FAM167A: variants seen among roughly 807,000 people sequenced by gnomAD.
FAM167A encodes the protein protein FAM167A.
In FAM167A, 23 loss-of-function variants were observed where a neutral mutation model predicts 14.9. That is an observed-to-expected ratio of 1.55 (90% CI 1.11 to 2.19). FAM167A has a LOEUF of 2.19. Ranked by LOEUF, FAM167A falls within the 30% of genes most tolerant of loss-of-function variation. The pLI, the probability that FAM167A is intolerant of heterozygous loss-of-function variation, is 0.00. For missense variants in FAM167A, 401 were observed against 281.5 expected (o/e 1.42, Z -3.04); for synonymous variants, 174 against 117.7 (o/e 1.48, Z -3.10).
At chr8:11,460,346 G>A (rs550218033) in intron 1 of FAM167A, among the ~76,000 whole-genome samples, 1 of 152,316 alleles carries the variant, frequency 6.6e-6, no homozygotes, top group African/African-American at 2.4e-5. Context: ...AGCTACTGGG[G>A]TCCCATCCCA....
At chr8:11,426,281 T>G (rs183423658) in intron 2 of FAM167A, among the ~76,000 whole-genome samples, 1 of 152,332 alleles carries the variant, frequency 6.6e-6, no homozygotes, top group African/African-American at 2.4e-5. Context: ...TATTGAGTTA[T>G]GTCTTTGCTT....
At chr8:11,461,088 G>A (rs1282338643) in intron 1 of FAM167A, among the ~76,000 whole-genome samples, 1 of 152,242 alleles carries the variant, frequency 6.6e-6, no homozygotes, top group Admixed American at 6.5e-5. Flanking sequence ...GTCAGAAAGA[G>A]GCCCTGGCTC....
rs75508768 is a variant in FAM167A at position 11,451,434 on chromosome 8, C to T, written c.-397-6626G>A. On this transcript the variant is annotated intron_variant, in intron 1 of 2. Transcript: ENST00000284486. ...ACATTCGTAAGTGACTGACACAGCA[C>T]GCACTGGAGAAGGAATATTAAAGAG... 4.8e-3 allele frequency among the ~76,000 whole-genome samples: 736 copies of T among 152,350 alleles called. 13 individuals are homozygous for T. The highest frequency in any genetic ancestry group is 0.017 in the Middle Eastern group (5 of 294).
At chr8:11,432,081 C>T (rs868526762) in intron 2 of FAM167A, among the ~76,000 whole-genome samples, 4 of 151,964 alleles carry the variant, frequency 2.6e-5, no homozygotes, top group African/African-American at 9.7e-5. Context: ...CATCCCCTGG[C>T]TGATCTGTGT....
At chr8:11,450,754 T>A (rs1021036073) in intron 1 of FAM167A, among the ~76,000 whole-genome samples, 2 of 152,226 alleles carry the variant, frequency 1.3e-5, no homozygotes, top group Non-Finnish European at 2.9e-5. Flanking sequence ...CTTGCTCAAA[T>A]CTGAGCCAGC....
intron 1 of FAM167A, chr8:11,446,708 G>C (rs1317431796): frequency 6.6e-6 from 1 of 152,196 alleles, no homozygotes; most frequent in African/African-American, 2.4e-5. Flanking sequence ...TGAAGACTTA[G>C]CACGCTAAGT....
chr8:11,469,949 C>A (rs888701109), upstream of FAM167A, among the ~76,000 whole-genome samples: 6 of 151,916 alleles, frequency 3.9e-5, no homozygotes, highest in Non-Finnish European at 2.9e-5. Context: ...AATATTCTTT[C>A]AGAATTTCTC....
At chr8:11,431,833 G>A (rs1317572865) in intron 2 of FAM167A, among the ~76,000 whole-genome samples, 6 of 146,422 alleles carry the variant, frequency 4.1e-5, no homozygotes, top group African/African-American at 1.6e-4. Flanking sequence ...GAGGTAGAAG[G>A]GCCTCTCTGG....
At chr8:11,465,077 C>T (rs146028831) in intron 1 of FAM167A, among the ~76,000 whole-genome samples, 8 of 152,296 alleles carry the variant, frequency 5.3e-5, no homozygotes, top group Non-Finnish European at 1.0e-4. Context: ...ACCCTTTCTT[C>T]TGCTTCAGGT....
chr8:11,452,100 G>A (rs1031155173), intron 1 of FAM167A, among the ~76,000 whole-genome samples: 9 of 152,176 alleles, frequency 5.9e-5, no homozygotes, highest in African/African-American at 2.2e-4. Context: ...GTGGTGGGGG[G>A]CAGGGAGGGG....
At chr8:11,475,863 C>T (rs1246107394) in intron 1 of FAM167A, among the ~76,000 whole-genome samples, 1 of 152,200 alleles carries the variant, frequency 6.6e-6, no homozygotes, top group Non-Finnish European at 1.5e-5. Context: ...CTCCCACACT[C>T]ACCCCTGTGG....
intron 1 of FAM167A, among the ~76,000 whole-genome samples, chr8:11,448,172 C>G (rs13438815): frequency 3.5e-5 from 5 of 144,760 alleles, no homozygotes; most frequent in African/African-American, 1.3e-4. Context: ...CCAGCCTGGG[C>G]GACAGGGCGA....
chr8:11,431,533 A>T (rs528849358), intron 2 of FAM167A, among the ~76,000 whole-genome samples: 1 of 152,244 alleles, frequency 6.6e-6, no homozygotes, highest in African/African-American at 2.4e-5. Context: ...TTTATATTAT[A>T]CATATTTTAC....
At chr8:11,438,229 G>T (rs992725176) in intron 2 of FAM167A, 1 of 432,956 alleles carries the variant, frequency 2.3e-6, no homozygotes, top group Admixed American at 2.5e-5. Flanking sequence ...CTGCTGTGGG[G>T]ATCCTCCAAC....
intron 2 of FAM167A, among the ~76,000 whole-genome samples, chr8:11,436,444 C>T (rs904783311): frequency 2.6e-5 from 4 of 152,204 alleles, no homozygotes; most frequent in Non-Finnish European, 5.9e-5. Flanking sequence ...CCGGCAAGAC[C>T]TGCAGGAAGG....
At chr8:11,442,702 C>G (rs1563373978) in intron 2 of FAM167A, among the ~76,000 whole-genome samples, 1 of 152,020 alleles carries the variant, frequency 6.6e-6, no homozygotes, top group Admixed American at 6.5e-5. Flanking sequence ...TACCCCCCAC[C>G]AAGAGCACCA....
Position 11,424,328 on chromosome 8 carries a change from G to C in FAM167A, c.*45C>G. 1 of 1,606,808 alleles carries C rather than the reference G, an allele frequency of 6.2e-7. No homozygotes were observed. On this transcript the variant is annotated 3_prime_UTR_variant, in exon 3 of 3. Coordinates refer to ENST00000284486, the MANE Select transcript of FAM167A (RefSeq NM_053279.3). ...CTCAGCTTCCTCTGACACCCCTCCA[G>C]CCCAAGCCCTCCGCTCCAGCCCCTC...
intron 1 of FAM167A, among the ~76,000 whole-genome samples, chr8:11,463,359 T>C (rs1040717417): frequency 2.0e-5 from 3 of 152,088 alleles, no homozygotes; most frequent in Non-Finnish European, 4.4e-5. Flanking sequence ...ACTTTCAACT[T>C]GATGGTGGAC....
At chr8:11,467,264 G>T (rs1807812459), upstream of FAM167A, among the ~76,000 whole-genome samples, 1 of 152,388 alleles carries the variant, frequency 6.6e-6, no homozygotes, top group South Asian at 2.1e-4. Flanking sequence ...AAAGACGCGA[G>T]CGTTTGCCCC....
Sources: gnomAD v4.1 joint callset for allele counts (sites outside exome capture counted in the v4.1 genomes callset) on GRCh38, gnomAD v4.1.1 for gene constraint, MANE v1.5 for transcripts, NCBI Gene and HGNC (gene_info 2026-07-23, HGNC 2026-07-21) for gene names.